The following EBF1 variants were observed in gnomAD, a reference collection of about 807,000 sequenced individuals.
EBF1 encodes transcription factor COE1.
Under a neutral mutation model 68.4 loss-of-function variants are expected in EBF1, and 10 were observed. The ratio of observed to expected loss-of-function variants is 0.15; its 90% confidence interval spans 0.09 to 0.25. EBF1 has a LOEUF of 0.25. Among genes scored for constraint, EBF1 ranks in the 10% least tolerant of loss-of-function variants. The pLI, the probability that EBF1 is intolerant of heterozygous loss-of-function variation, is 1.00. For synonymous variants in EBF1, 298 were observed against 299.8 expected (o/e 0.99, Z 0.06); for missense variants, 509 against 794.4 (o/e 0.64, Z 4.32).
intron 6 of EBF1, among the ~76,000 whole-genome samples, chr5:158,949,418 C>T (rs1377019572): frequency 6.6e-6 from 1 of 152,100 alleles, no homozygotes; most frequent in Non-Finnish European, 1.5e-5. Context: ...TTGCTTGAGG[C>T]CAGGAGTTTG....
intron 6 of EBF1, among the ~76,000 whole-genome samples, chr5:158,962,873 T>C (rs1753304530): frequency 6.6e-6 from 1 of 152,182 alleles, no homozygotes; most frequent in South Asian, 2.1e-4. Flanking sequence ...CCCACAATTC[T>C]AAAATTTAGG....
chr5:158,795,121 C>T (rs888517907), intron 9 of EBF1, among the ~76,000 whole-genome samples: 7 of 152,186 alleles, frequency 4.6e-5, no homozygotes, highest in African/African-American at 1.4e-4. Flanking sequence ...CAAAGAACAG[C>T]GTCTGTTCTG....
chr5:159,053,603 TCTCA>T (rs1162442960), intron 6 of EBF1, among the ~76,000 whole-genome samples: 7 of 145,250 alleles, frequency 4.8e-5, no homozygotes, highest in Admixed American at 1.4e-4. Context: ...TCTCTCTCTC[TCTCA>T]CACACACACA....
At chr5:159,096,070 G>A (rs1324646596) in intron 3 of EBF1, among the ~76,000 whole-genome samples, 1 of 152,270 alleles carries the variant, frequency 6.6e-6, no homozygotes, top group Non-Finnish European at 1.5e-5. Flanking sequence ...AAAGGAACAG[G>A]CCTCAGGAAG....
At chr5:158,771,512 A>G (rs541524446) in intron 10 of EBF1, among the ~76,000 whole-genome samples, 320 of 152,266 alleles carry the variant, frequency 2.1e-3, no homozygotes, top group African/African-American at 7.2e-3. Flanking sequence ...ATCCTGGGCA[A>G]TATGTCAATG....
At chr5:159,040,214 A>G (rs1770908233) in intron 6 of EBF1, among the ~76,000 whole-genome samples, 1 of 152,160 alleles carries the variant, frequency 6.6e-6, no homozygotes, top group South Asian at 2.1e-4. Flanking sequence ...CTGGGCTTAG[A>G]AAATGCTGCT....
chr5:158,883,190 A>T (rs1353280954), intron 6 of EBF1, among the ~76,000 whole-genome samples: 1 of 152,186 alleles, frequency 6.6e-6, no homozygotes, highest in Non-Finnish European at 1.5e-5. Flanking sequence ...GTCTGTGTGT[A>T]TATACATGTA....
At chr5:158,747,933 G>A (rs942799127) in intron 10 of EBF1, among the ~76,000 whole-genome samples, 1 of 152,138 alleles carries the variant, frequency 6.6e-6, no homozygotes, top group African/African-American at 2.4e-5. Context: ...AGTAAGAGCT[G>A]AACCAGGGCA....
intron 15 of EBF1, among the ~76,000 whole-genome samples, chr5:158,700,497 G>C (rs1346606493): frequency 2.0e-5 from 3 of 149,970 alleles, no homozygotes; most frequent in Admixed American, 6.6e-5. Flanking sequence ...TACTATTCTG[G>C]AAGAATGTGC....
intron 6 of EBF1, among the ~76,000 whole-genome samples, chr5:158,921,502 T>C (rs1808430395): frequency 6.6e-6 from 1 of 152,206 alleles, no homozygotes; most frequent in Non-Finnish European, 1.5e-5. Flanking sequence ...TGAAATAACC[T>C]TTCTTTAATA....
chr5:159,003,271 T>C (rs1318059363), intron 6 of EBF1, among the ~76,000 whole-genome samples: 1 of 152,208 alleles, frequency 6.6e-6, no homozygotes, highest in Non-Finnish European at 1.5e-5. Context: ...AACATCCCCA[T>C]ACATATGGCA....
intron 6 of EBF1, among the ~76,000 whole-genome samples, chr5:159,070,574 TATAA>T (rs764017873): frequency 7.9e-5 from 12 of 152,106 alleles, no homozygotes; most frequent in Non-Finnish European, 1.5e-4. Context: ...CTCTCTACCC[TATAA>T]ATAGTTTTCC....
At chr5:158,752,088 A>G (rs550699331) in intron 10 of EBF1, among the ~76,000 whole-genome samples, 65 of 152,066 alleles carry the variant, frequency 4.3e-4, no homozygotes, top group Non-Finnish European at 3.1e-4. Context: ...AAGATGTGAA[A>G]CTAAATAGAT....
intron 7 of EBF1, among the ~76,000 whole-genome samples, chr5:158,838,227 C>T (rs1789284388): frequency 6.6e-6 from 1 of 152,000 alleles, no homozygotes; most frequent in Admixed American, 6.5e-5. Context: ...AAGCAGATCA[C>T]AAGGTCAGGA....
At chr5:158,834,232 C>T (rs143057926) in intron 7 of EBF1, among the ~76,000 whole-genome samples, 29 of 152,268 alleles carry the variant, frequency 1.9e-4, no homozygotes, top group Middle Eastern at 6.8e-3. Flanking sequence ...TGGCTCCTGT[C>T]GGTTAAAAAT....
At chr5:158,924,607 G>C (rs972665190) in intron 6 of EBF1, among the ~76,000 whole-genome samples, 2 of 151,920 alleles carry the variant, frequency 1.3e-5, no homozygotes, top group Non-Finnish European at 2.9e-5. Context: ...AATCCCAGCA[G>C]TTTGGAAGGC....
chr5:158,975,918 T>C (rs970445905), intron 6 of EBF1, among the ~76,000 whole-genome samples: 4 of 152,338 alleles, frequency 2.6e-5, no homozygotes, highest in African/African-American at 9.6e-5. Flanking sequence ...TCTGGGATGA[T>C]TGGACTCAGC....
chr5:159,085,403 C>T (rs756088326), intron 4 of EBF1, among the ~76,000 whole-genome samples: 4 of 152,220 alleles, frequency 2.6e-5, no homozygotes, highest in Non-Finnish European at 5.9e-5. Flanking sequence ...AGAAGAGTTA[C>T]AACTGACTCT....
At chr5:158,824,986 G>A (rs1256626236) in intron 7 of EBF1, among the ~76,000 whole-genome samples, 2 of 152,216 alleles carry the variant, frequency 1.3e-5, no homozygotes, top group East Asian at 3.8e-4. Flanking sequence ...AAACAGTTGA[G>A]AGTTCAATCA....
Sources: gnomAD v4.1 joint callset for allele counts (sites outside exome capture counted in the v4.1 genomes callset) on GRCh38, gnomAD v4.1.1 for gene constraint, MANE v1.5 for transcripts, NCBI Gene and HGNC (gene_info 2026-07-23, HGNC 2026-07-21) for gene names.